Variants in MANBA observed in about 807,000 individuals in gnomAD.
The protein encoded by MANBA is mannosidase beta.
MANBA carries 83 observed loss-of-function variants against 111.1 expected under a neutral mutation model. The ratio of observed to expected loss-of-function variants is 0.75; its 90% CI spans 0.63 to 0.90. MANBA has a LOEUF of 0.90. MANBA is among the 40% of genes least tolerant of loss of function. The pLI, the probability that MANBA is intolerant of heterozygous loss-of-function variation, is 0.00. For missense variants in MANBA, 1,036 were observed against 1,069.0 expected (o/e 0.97, Z 0.43); for synonymous variants, 370 against 378.7 (o/e 0.98, Z 0.27).
At position 102,756,348 on chromosome 4, in the gene MANBA, A is replaced by G. The variant is rs1351318982; in HGVS notation, c.177+4370T>C. ...AGGGACATGGATGAAGCTGCAAACCATCATTCTGAGCAAACTATCACAAGG... is the reference window on the plus strand; with the variant it reads ...AGGGACATGGATGAAGCTGCAAACCGTCATTCTGAGCAAACTATCACAAGG... On this transcript the variant is annotated intron_variant, in intron 1 of 16. Coordinates refer to ENST00000647097, the MANE Select transcript of MANBA (RefSeq NM_005908.4). Among the ~76,000 whole-genome samples the G allele has an allele frequency of 3.3e-5, 5 of 152,322 alleles. No homozygotes were observed. In the East Asian group the frequency reaches 9.6e-4, roughly 29 times the overall value.
intron 1 of MANBA, among the ~76,000 whole-genome samples, chr4:102,757,181 T>C (rs111686697): frequency 0.065 from 9,915 of 151,906 alleles, 678 homozygotes; most frequent in African/African-American, 0.17. Flanking sequence ...AGTACAAAAT[T>C]AGCCAGGCAT....
chr4:102,747,233 C>A (rs544204319), intron 1 of MANBA, among the ~76,000 whole-genome samples: 1 of 152,034 alleles, frequency 6.6e-6, no homozygotes, highest in East Asian at 1.9e-4. Context: ...AACACGCCAT[C>A]TGCAAGCTGA....
At chr4:102,716,229 A>C (rs575977494) in intron 4 of MANBA, among the ~76,000 whole-genome samples, 1 of 149,440 alleles carries the variant, frequency 6.7e-6, no homozygotes, top group Admixed American at 6.8e-5. Flanking sequence ...GAATCGCTTG[A>C]ACCCGGGAGG....
intron 7 of MANBA, among the ~76,000 whole-genome samples, chr4:102,675,212 T>A (rs573639020): frequency 2.7e-4 from 41 of 152,330 alleles, no homozygotes; most frequent in South Asian, 1.7e-3. Flanking sequence ...TTGGAGACTG[T>A]CAGTGTGTCC....
intron 6 of MANBA, 129 bp downstream of exon 6, chr4:102,690,466 GA>G: frequency 1.2e-6 from 1 of 844,396 alleles, no homozygotes; most frequent in Non-Finnish European, 1.9e-6. Flanking sequence ...GACTAAAATA[GA>G]GAAGAAAATG....
At position 102,650,861 on chromosome 4, in the gene MANBA, T is replaced by G; in HGVS notation, c.1705-160A>C. 4.7e-6 allele frequency: 3 copies of G among 643,968 alleles called. No homozygotes were observed. In the South Asian group the frequency reaches 5.6e-5, roughly 12 times the overall value. The allele number at this position is 643,968 out of a possible 1,614,324, so 39.9% of individuals were successfully genotyped here. A position where few individuals can be genotyped will look rare whatever the true frequency, so the allele number is the denominator to read the frequency against. On this transcript the variant is annotated intron_variant, in intron 12 of 16. Coordinates refer to ENST00000647097, the MANE Select transcript of MANBA (RefSeq NM_005908.4). ...ATAAATGTTTTACCATCCTACTTGT[T>G]GCCAGTGAAGGACTAGCCTTGTGGA... is the stretch of plus-strand genomic sequence containing the variant.
chr4:102,756,791 A>G (rs2110214867), intron 1 of MANBA, among the ~76,000 whole-genome samples: 1 of 133,264 alleles, frequency 7.5e-6, no homozygotes, highest in African/African-American at 2.9e-5. Context: ...GCATACAGAG[A>G]CTATCTAAAA....
chr4:102,738,524 C>T (rs1560807661), intron 1 of MANBA, among the ~76,000 whole-genome samples: 1 of 152,206 alleles, frequency 6.6e-6, no homozygotes, highest in African/African-American at 2.4e-5. Context: ...GTCTGGCTCT[C>T]AGAAATCCCC....
chr4:102,635,168 A>G, intron 15 of MANBA, 123 bp from the exon 16 acceptor site: 1 of 1,051,302 alleles, frequency 9.5e-7, no homozygotes, highest in Non-Finnish European at 1.4e-6. Context: ...ATGAAACCTG[A>G]GTTTTAATCC....
intron 13 of MANBA, among the ~76,000 whole-genome samples, chr4:102,642,350 G>T (rs1729912927): frequency 6.6e-6 from 1 of 152,220 alleles, no homozygotes; most frequent in African/African-American, 2.4e-5. Context: ...GCTCATGCCT[G>T]TAATCCCAGC....
intron 1 of MANBA, among the ~76,000 whole-genome samples, chr4:102,758,355 T>C (rs1283039119): frequency 6.6e-6 from 1 of 152,152 alleles, no homozygotes; most frequent in African/African-American, 2.4e-5. Flanking sequence ...GATAAATAAA[T>C]GAATGATATC....
chr4:102,680,832 A>T (rs1056170705), intron 7 of MANBA, among the ~76,000 whole-genome samples: 1 of 152,232 alleles, frequency 6.6e-6, no homozygotes, highest in Non-Finnish European at 1.5e-5. Flanking sequence ...TTCTGGAAAT[A>T]TGAGAATGAC....
rs369501307 is a variant in MANBA, at chr4:102,633,246, C to G, written c.2416-965G>C. On this transcript the variant is annotated intron_variant, in intron 16 of 16. Coordinates refer to ENST00000647097, the MANE Select transcript of MANBA (RefSeq NM_005908.4). ...GAATTTGGATGGCAAATTCCCAGAT[C>G]GCACCGCCCAGCTGTTCCAGTGAAG... The G allele has an allele frequency of 2.6e-4, 102 of 398,424 alleles. 2 individuals are homozygous for G. The highest frequency in any genetic ancestry group is 1.7e-3 in the African/African-American group (83 of 48,618). The allele number at this position is 398,424 out of a possible 1,614,324, so 24.7% of individuals were successfully genotyped here. A position where few individuals can be genotyped will look rare whatever the true frequency, so the allele number is the denominator to read the frequency against.
intron 1 of MANBA, chr4:102,752,012 G>T: frequency 2.7e-6 from 2 of 740,286 alleles, no homozygotes; most frequent in South Asian, 1.4e-5. Flanking sequence ...ACTAAATTTT[G>T]TAGTGGCTCC....
chr4:102,673,370 T>C (rs984099210), intron 8 of MANBA, among the ~76,000 whole-genome samples: 1 of 151,832 alleles, frequency 6.6e-6, no homozygotes, highest in Non-Finnish European at 1.5e-5. Context: ...AGCTGGGCGG[T>C]AGTGGCCTGC....
chr4:102,646,196 G>C (rs1211684616), intron 13 of MANBA, among the ~76,000 whole-genome samples: 1 of 152,068 alleles, frequency 6.6e-6, no homozygotes. Context: ...ATATTGGCTT[G>C]ATTATTAAAT....
intron 1 of MANBA, chr4:102,729,905 G>T (rs758304410): frequency 2.6e-6 from 4 of 1,522,798 alleles, no homozygotes; most frequent in Non-Finnish European, 3.6e-6. Flanking sequence ...GCTTCTCCTG[G>T]GTGCGCACAG....
intron 11 of MANBA, 147 bp from the exon 12 acceptor site, chr4:102,658,047 C>T: frequency 2.9e-6 from 2 of 681,400 alleles, no homozygotes; most frequent in Non-Finnish European, 2.7e-6. Flanking sequence ...CTTCCCTATT[C>T]AACAACCACC....
At chr4:102,670,110 G>A (rs1444503823) in intron 9 of MANBA, among the ~76,000 whole-genome samples, 2 of 143,010 alleles carry the variant, frequency 1.4e-5, no homozygotes, top group South Asian at 2.1e-4. Context: ...AACCAAGATC[G>A]CACCACTGCA....
Sources: allele counts gnomAD v4.1 joint callset (sites outside exome capture counted in the v4.1 genomes callset), GRCh38; gene constraint gnomAD v4.1.1; transcripts MANE v1.5; gene names NCBI Gene and HGNC (gene_info 2026-07-23, HGNC 2026-07-21).